VASH2: variants seen among roughly 807,000 people sequenced by gnomAD.
VASH2 encodes vasohibin 2.
A neutral mutation model predicts 37.2 loss-of-function variants in VASH2; 28 were observed. That is an observed-to-expected ratio of 0.75 (90% CI 0.56 to 1.03). VASH2 has a LOEUF of 1.03. Ranked by LOEUF, VASH2 falls within the 50% of genes least tolerant of loss-of-function variation. VASH2 has a pLI of 0.00. For synonymous variants in VASH2, 188 were observed against 174.7 expected (o/e 1.08, Z -0.60); for missense variants, 419 against 459.1 (o/e 0.91, Z 0.80).
chr1:212,987,057 A>G (rs989699817), intron 7 of VASH2, among the ~76,000 whole-genome samples: 9 of 150,388 alleles, frequency 6.0e-5, no homozygotes, highest in Admixed American at 4.7e-4. Context: ...GAGAGAGAGA[A>G]AAGGGGTAGT....
At chr1:212,985,582 G>A (rs1350019266) in intron 7 of VASH2, among the ~76,000 whole-genome samples, 1 of 151,722 alleles carries the variant, frequency 6.6e-6, no homozygotes, top group Non-Finnish European at 1.5e-5. Context: ...ATACCCGGCT[G>A]TTTTTTGTGT....
intron 2 of VASH2, among the ~76,000 whole-genome samples, chr1:212,952,096 T>TA (rs1666332714): frequency 6.6e-6 from 1 of 152,144 alleles, no homozygotes; most frequent in Non-Finnish European, 1.5e-5. Flanking sequence ...CAAACTCTAT[T>TA]ATTTACTCAC....
chr1:212,987,734 G>A (rs1273892088), intron 7 of VASH2, among the ~76,000 whole-genome samples: 1 of 152,230 alleles, frequency 6.6e-6, no homozygotes, highest in East Asian at 1.9e-4. Context: ...TATCCAAGGT[G>A]AGAAGAGGCT....
chr1:212,988,507 C>T lies in VASH2; in HGVS notation c.996-5C>T. 6.2e-7 allele frequency: 1 copy of T among 1,614,030 alleles called. No individual in the cohort carries two copies. Among genetic ancestry groups the T allele is most frequent in the Non-Finnish European group, 8.5e-7 (1 of 1,179,942 alleles). ...CTCCACCATATTTCTGTCTTTTACCCTTAGGCCTGCACTGCCTGAAAAGAA... is the reference window on the plus strand; with the variant it reads ...CTCCACCATATTTCTGTCTTTTACCTTTAGGCCTGCACTGCCTGAAAAGAA... On this transcript the variant is annotated splice_polypyrimidine_tract_variant and splice_region_variant and intron_variant, in intron 7 of 7. Transcript: ENST00000517399.
intron 5 of VASH2, chr1:212,969,157 T>G (rs898146257): frequency 8.1e-6 from 8 of 985,214 alleles, no homozygotes; most frequent in Non-Finnish European, 8.4e-6. Context: ...ATTTGACTCT[T>G]GCACACAGAC....
intron 7 of VASH2, among the ~76,000 whole-genome samples, chr1:212,976,551 G>A (rs566439712): frequency 9.8e-5 from 13 of 132,440 alleles, no homozygotes; most frequent in East Asian, 2.2e-4. Flanking sequence ...CAGTCTGGGC[G>A]AAGGAGTGAG....
intron 5 of VASH2, chr1:212,967,431 TA>T: frequency 8.5e-7 from 1 of 1,180,626 alleles, no homozygotes; most frequent in Non-Finnish European, 1.1e-6. Flanking sequence ...TGGATGGCTG[TA>T]AGGGACAGTG....
intron 7 of VASH2, among the ~76,000 whole-genome samples, chr1:212,985,419 C>CTTT (rs144366214): frequency 1.5e-5 from 2 of 135,688 alleles, no homozygotes; most frequent in African/African-American, 5.4e-5. Flanking sequence ...TAGAGACCAT[C>CTTT]TTTTTTTTTT....
intron 4 of VASH2, 33 bp from the exon 5 acceptor site, chr1:212,966,238 T>C: frequency 1.3e-6 from 2 of 1,541,110 alleles, no homozygotes; most frequent in Non-Finnish European, 1.8e-6. Flanking sequence ...ATTAAATAGG[T>C]TCTGAGATCC....
At chr1:212,973,704 A>C in intron 6 of VASH2, 8 of 1,288,982 alleles carry the variant, frequency 6.2e-6, no homozygotes, top group Non-Finnish European at 7.9e-6. Flanking sequence ...TCCTCTCTCT[A>C]CACGGCACAG....
In VASH2 at chr1:212,967,254, C is replaced by A; in HGVS notation, c.497+909C>A. On this transcript the variant is annotated intron_variant, in intron 5 of 7. Coordinates refer to ENST00000517399, the MANE Select transcript of VASH2 (RefSeq NM_001301056.2). ...GACATATTGGTGGTGATGACCACCT[C>A]CCTTACACAATAGTCTCATCCCTGC... 2.3e-6 allele frequency: 3 copies of A among 1,293,550 alleles called. No individual in the cohort carries two copies. In the South Asian group the frequency reaches 3.7e-5, roughly 16 times the overall value. The allele number at this position is 1,293,550 out of a possible 1,614,324, so 80.1% of individuals were successfully genotyped here. A position where few individuals can be genotyped will look rare whatever the true frequency, so the allele number is the denominator to read the frequency against.
Position 212,951,782 on chromosome 1 carries a change from G to C in VASH2, c.240G>C (p.Met80Ile). 6.2e-7 allele frequency: 1 copy of C among 1,608,418 alleles called. No individual in the cohort carries two copies. Among genetic ancestry groups the C allele is most frequent in the Non-Finnish European group, 8.5e-7 (1 of 1,178,570 alleles). The change falls in exon 2 of 8, where the codon ATG (methionine) becomes ATC (isoleucine). Residue 80 changes from methionine to isoleucine, a missense_variant. Met to Ile is a conservative substitution (Grantham distance 10). Around this residue, in one of 3 missense-constraint regions of VASH2, gnomAD observed 158 missense variants for 163.0 expected, o/e 0.97. Transcript: ENST00000517399. This position sits in a 1 kb window ranked among gnomAD's most constrained non-coding sequence, Gnocchi z 4.4. Reference protein sequence around the residue: ...VAKVHPKGGEMVGAIRNAAFL... With the variant: ...VAKVHPKGGEIVGAIRNAAFL... ...AGGTGCACCCTAAGGGGGGAGAAAT[G>C]GTGGGCGCCATCAGGAACGCCGCCT...
chr1:212,985,468 G>A (rs1447686824), intron 7 of VASH2, among the ~76,000 whole-genome samples: 4 of 149,484 alleles, frequency 2.7e-5, no homozygotes, highest in Non-Finnish European at 5.9e-5. Context: ...TGCCCAGGCT[G>A]GAGTGCAGTG....
intron 7 of VASH2, among the ~76,000 whole-genome samples, chr1:212,986,629 C>T (rs1667486365): frequency 6.6e-6 from 1 of 152,128 alleles, no homozygotes; most frequent in Non-Finnish European, 1.5e-5. Flanking sequence ...GGCCACTCCT[C>T]CAGGCCTGTA....
At chr1:212,959,897 C>G (rs1236465120) in intron 2 of VASH2, among the ~76,000 whole-genome samples, 1 of 152,240 alleles carries the variant, frequency 6.6e-6, no homozygotes, top group African/African-American at 2.4e-5. Context: ...TTCTGCTTCT[C>G]CTTAAGTGGC....
chr1:212,983,592 C>T (rs1667397538), intron 7 of VASH2, among the ~76,000 whole-genome samples: 1 of 152,216 alleles, frequency 6.6e-6, no homozygotes, highest in African/African-American at 2.4e-5. Context: ...AACCCATGAA[C>T]TTTTGGGGAC....
At position 212,961,144 on chromosome 1, in the gene VASH2, C is replaced by T. The variant is rs778114256; in HGVS notation, c.277-22C>T. On this transcript the variant is annotated intron_variant, in intron 2 of 7. Coordinates refer to ENST00000517399, the MANE Select transcript of VASH2 (RefSeq NM_001301056.2). ...CAGAGCGCCTCCTTCATAAACACCTCCTCTTCTCTATTTTTCTGCAGCCTT... is the reference window on the plus strand; with the variant it reads ...CAGAGCGCCTCCTTCATAAACACCTTCTCTTCTCTATTTTTCTGCAGCCTT... 6.2e-6 allele frequency: 10 copies of T among 1,613,502 alleles called. No individual in the cohort carries two copies. In the South Asian group the frequency reaches 8.8e-5, roughly 14 times the overall value.
rs1043027496 is a variant in VASH2 at position 212,988,641 on chromosome 1, C to T, written c.*57C>T. The T allele has an allele frequency of 5.8e-6, 9 of 1,545,826 alleles. No individual in the cohort carries two copies. Among genetic ancestry groups the T allele is most frequent in the South Asian group, 1.1e-5 (1 of 89,350 alleles). On this transcript the variant is annotated 3_prime_UTR_variant, in exon 8 of 8. Transcript: ENST00000517399. ...GTGGTGCTTCTCTCTGCACTTTACC[C>T]AGCATCTTCAGGAGGAACTGCAACT...
chr1:212,958,055 G>A (rs1417540764), intron 2 of VASH2, among the ~76,000 whole-genome samples: 1 of 152,228 alleles, frequency 6.6e-6, no homozygotes, highest in Non-Finnish European at 1.5e-5. Flanking sequence ...GAGAGGTCAT[G>A]CAGCTTGACC....
Sources: allele counts gnomAD v4.1 joint callset (sites outside exome capture counted in the v4.1 genomes callset), GRCh38; gene constraint gnomAD v4.1.1; regional missense constraint gnomAD v4.1.1; non-coding constraint Gnocchi (gnomAD v3.1); transcripts MANE v1.5; gene names NCBI Gene and HGNC (gene_info 2026-07-23, HGNC 2026-07-21).